Variants in TRANK1 observed in about 807,000 individuals in gnomAD.
TRANK1 encodes tetratricopeptide repeat and ankyrin repeat containing 1.
A neutral mutation model predicts 266.0 loss-of-function variants in TRANK1; 198 were observed. The ratio of observed to expected loss-of-function variants is 0.74; its 90% CI spans 0.66 to 0.84. The LOEUF is 0.84. Among genes scored for constraint, TRANK1 ranks in the 40% least tolerant of loss-of-function variants. The pLI is 0.00. For synonymous variants in TRANK1, 1,396 were observed against 1,384.1 expected, an observed-to-expected ratio of 1.01 and a Z score of -0.19; for missense variants, 3,326 against 3,634.6, an observed-to-expected ratio of 0.92 and a Z score of 2.18.
chr3:36,855,066 C>T, intron 13 of TRANK1, 107 bp downstream of exon 13: 1 of 1,023,210 alleles, frequency 9.8e-7, no homozygotes, highest in East Asian at 2.6e-5. Context: ...AAATACTACC[C>T]TTACTTCAGC....
intron 21 of TRANK1, 42 bp from the exon 22 acceptor site, chr3:36,833,961 A>T (rs994543330): frequency 2.8e-5 from 43 of 1,533,222 alleles, no homozygotes; most frequent in Non-Finnish European, 3.7e-5. Context: ...GCCATCACCC[A>T]ATCAATAGAA....
intron 1 of TRANK1, among the ~76,000 whole-genome samples, chr3:36,938,919 C>T (rs2080459880): frequency 6.6e-6 from 1 of 151,394 alleles, no homozygotes; most frequent in Admixed American, 6.6e-5. Context: ...TAGATCGTGC[C>T]ACCAAACTCC....
At chr3:36,906,045 G>C (rs1001625750) in intron 2 of TRANK1, among the ~76,000 whole-genome samples, 2 of 152,128 alleles carry the variant, frequency 1.3e-5, no homozygotes, top group Non-Finnish European at 2.9e-5. Context: ...CATAGTGTGG[G>C]GTCAGTCTAC....
rs745758233 is a variant in TRANK1 at position 36,832,993 on chromosome 3, A to G, written c.6590T>C (p.Val2197Ala). 5 of 1,611,786 alleles carry G rather than the reference A, an allele frequency of 3.1e-6. No individual in the cohort carries two copies. In the South Asian group the frequency reaches 3.3e-5, roughly 11 times the overall value. ...GTTTTCATCCTCACATTTTAAGCCT[A>G]CAATAAACCTCATGCAGACTCCTCG... ...TYRGVCMRFI[V>A]GLKCEDENCE... The change falls in exon 22 of 24, where the codon GTA (valine) becomes GCA (alanine). Residue 2197 changes from valine to alanine, a missense_variant. Transcript: ENST00000645898.
At chr3:36,904,018 G>A (rs556202998) in intron 2 of TRANK1, among the ~76,000 whole-genome samples, 1 of 151,938 alleles carries the variant, frequency 6.6e-6, no homozygotes, top group African/African-American at 2.4e-5. Context: ...GAATGCAGTG[G>A]TGCAATCTCA....
At chr3:36,915,875 C>G (rs192703027) in intron 1 of TRANK1, among the ~76,000 whole-genome samples, 1 of 152,270 alleles carries the variant, frequency 6.6e-6, no homozygotes, top group East Asian at 1.9e-4. Context: ...GCCACAGAAA[C>G]AGCACATGCA....
In TRANK1 at chr3:36,827,737, G is replaced by A. The variant is rs2078647205; in HGVS notation, c.*538C>T. 2.0e-5 allele frequency: 3 copies of A among 152,600 alleles called. No individual in the cohort carries two copies. The highest frequency in any genetic ancestry group is 2.0e-4 in the Admixed American group (3 of 15,302). The allele number at this position is 152,600 out of a possible 1,614,324, so 9.5% of individuals were successfully genotyped here. On this transcript the variant is annotated 3_prime_UTR_variant, in exon 24 of 24. Transcript: ENST00000645898. Reference sequence around the variant, plus strand: ...TCTAACAGAAGAAGCTACACTACAAGTGGGCTCAGAGATGACCAGAATGCG... The same window carrying A: ...TCTAACAGAAGAAGCTACACTACAAATGGGCTCAGAGATGACCAGAATGCG...
intron 17 of TRANK1, 94 bp from the exon 18 acceptor site, chr3:36,842,804 T>C (rs1201223713): frequency 1.8e-6 from 2 of 1,091,178 alleles, no homozygotes; most frequent in Admixed American, 2.0e-5. Context: ...CCGCCAGCCA[T>C]CAAATTCACT....
rs61732326 is a variant in TRANK1, at chr3:36,857,500, T to C, written c.2222A>G (p.Gln741Arg). Reference sequence around the variant, plus strand: ...GAAAGACGGATCCACTTCAACCTGCTGAATCAAAACTGTGATGTCCTGCAT... The same window carrying C: ...GAAAGACGGATCCACTTCAACCTGCCGAATCAAAACTGTGATGTCCTGCAT... ...CLMQDITVLI[Q>R]QVEVDPSFPE... The change falls in exon 13 of 24, where the codon CAG (glutamine) becomes CGG (arginine). Residue 741 changes from glutamine (Q) to arginine (R), a missense_variant. Coordinates refer to ENST00000645898, the MANE Select transcript of TRANK1 (RefSeq NM_001329998.2). This position sits in a 1 kb window ranked among gnomAD's most constrained non-coding sequence, Gnocchi z 4.3. 0.014 allele frequency: 22,330 copies of C among 1,613,998 alleles called. 263 individuals carry two copies. Among genetic ancestry groups the C allele is most frequent in the Middle Eastern group, 0.031 (186 of 6,062 alleles).
intron 17 of TRANK1, among the ~76,000 whole-genome samples, chr3:36,845,702 A>G (rs2078905080): frequency 6.6e-6 from 1 of 152,158 alleles, no homozygotes; most frequent in Non-Finnish European, 1.5e-5. Flanking sequence ...GACAATCCAC[A>G]TCCTTTTTCT....
chr3:36,938,966 A>G (rs941274774), intron 1 of TRANK1, among the ~76,000 whole-genome samples: 1 of 151,846 alleles, frequency 6.6e-6, no homozygotes, highest in Non-Finnish European at 1.5e-5. Context: ...TCTCAAAAAA[A>G]AAAAATACAA....
In TRANK1 at chr3:36,832,278, A is replaced by G; in HGVS notation, c.7305T>C (p.Asn2435=). The change falls in exon 22 of 24, where the codon AAT becomes AAC. Residue 2435 remains asparagine, a synonymous_variant. Transcript: ENST00000645898. ...GTTCTTTGCACCTCTTGATGAGGAC[A>G]TTCATGAAACGGAAAAAGAGCCTCT... ...DYKRLFFRFM[N]VLIKRCKEPL... 1 of 1,614,014 alleles carries G rather than the reference A, an allele frequency of 6.2e-7. No individual in the cohort carries two copies.
intron 1 of TRANK1, among the ~76,000 whole-genome samples, chr3:36,936,753 G>A (rs1315435126): frequency 6.6e-6 from 1 of 152,150 alleles, no homozygotes; most frequent in Non-Finnish European, 1.5e-5. Context: ...TTGAAAGACA[G>A]ATGATGGTTC....
chr3:36,874,022 G>A (rs1559444677), intron 9 of TRANK1, 104 bp downstream of exon 9: 2 of 912,940 alleles, frequency 2.2e-6, no homozygotes, highest in South Asian at 2.1e-5. Flanking sequence ...ATATATATAT[G>A]TGTGTGTATA....
rs2079183551 is a variant in TRANK1, at chr3:36,864,310, A to T, written c.1240+9T>A. Reference sequence around the variant, plus strand: ...TTTTAACATCATTGAACGTTGTGGAAAAAATTACCTTGCAGAGTAGAAAGG... The same window carrying T: ...TTTTAACATCATTGAACGTTGTGGATAAAATTACCTTGCAGAGTAGAAAGG... On this transcript the variant is annotated intron_variant, in intron 10 of 23. Transcript: ENST00000645898. The T allele has an allele frequency of 4.0e-6, 6 of 1,496,614 alleles. No homozygotes were observed. The highest frequency in any genetic ancestry group is 1.7e-4 in the Middle Eastern group (1 of 5,822). The allele number at this position is 1,496,614 out of a possible 1,614,324, so 92.7% of individuals were successfully genotyped here.
chr3:36,873,206 C>T (rs1349396889), intron 9 of TRANK1, among the ~76,000 whole-genome samples: 1 of 152,078 alleles, frequency 6.6e-6, no homozygotes, highest in African/African-American at 2.4e-5. Flanking sequence ...TATATTCAGA[C>T]AAATTATCCA....
intron 8 of TRANK1, among the ~76,000 whole-genome samples, chr3:36,879,946 G>A (rs185352608): frequency 0.41 from 3,746 of 9,154 alleles, 1,334 homozygotes; most frequent in African/African-American, 0.59. Flanking sequence ...ATGTAAACAT[G>A]CAAATATATG....
intron 9 of TRANK1, among the ~76,000 whole-genome samples, chr3:36,867,038 T>C (rs1018359732): frequency 9.9e-5 from 15 of 152,240 alleles, no homozygotes; most frequent in Middle Eastern, 3.4e-3. Context: ...TGATAATCAT[T>C]TGGCAAAGAA....
chr3:36,924,185 C>T (rs1452475092), intron 1 of TRANK1, among the ~76,000 whole-genome samples: 1 of 152,136 alleles, frequency 6.6e-6, no homozygotes, highest in Admixed American at 6.5e-5. Context: ...CTTTTTTCCT[C>T]GTACCTGGGC....
Sources: allele counts gnomAD v4.1 joint callset (sites outside exome capture counted in the v4.1 genomes callset), GRCh38; gene constraint gnomAD v4.1.1; non-coding constraint Gnocchi (gnomAD v3.1); transcripts MANE v1.5; gene names NCBI Gene and HGNC (gene_info 2026-07-23, HGNC 2026-07-21).